PEPD: variants seen among roughly 807,000 people sequenced by gnomAD.
The protein encoded by PEPD is xaa-Pro dipeptidase.
In PEPD, 53 loss-of-function variants were observed where a neutral mutation model predicts 60.7. The ratio of observed to expected loss-of-function variants is 0.87; its 90% CI spans 0.70 to 1.10. PEPD has a LOEUF of 1.10. Among genes scored for constraint, PEPD ranks in the 50% least tolerant of loss-of-function variants. PEPD has a pLI of 0.00. For synonymous variants in PEPD, 267 were observed against 284.1 expected (o/e 0.94, Z 0.60); for missense variants, 711 against 711.9 (o/e 1.00, Z 0.01).
chr19:33,413,849 T>C (rs1450158083), intron 9 of PEPD, among the ~76,000 whole-genome samples: 1 of 151,842 alleles, frequency 6.6e-6, no homozygotes, highest in African/African-American at 2.4e-5. Context: ...CAGTGTGGAG[T>C]GACAGAGAAG....
chr19:33,412,866 C>A (rs1411305638), intron 10 of PEPD, among the ~76,000 whole-genome samples: 1 of 152,184 alleles, frequency 6.6e-6, no homozygotes, highest in Non-Finnish European at 1.5e-5. Flanking sequence ...GAGGGGGCCA[C>A]GCCCACAGCC....
chr19:33,433,536 T>C (rs577012173), intron 9 of PEPD, among the ~76,000 whole-genome samples: 3 of 152,258 alleles, frequency 2.0e-5, no homozygotes, highest in Non-Finnish European at 4.4e-5. Context: ...TATATTACAA[T>C]GGGCTCCTGG....
At chr19:33,494,775 C>G (rs955657896) in intron 4 of PEPD, among the ~76,000 whole-genome samples, 2 of 152,168 alleles carry the variant, frequency 1.3e-5, no homozygotes, top group African/African-American at 4.8e-5. Flanking sequence ...GAGAACTTGC[C>G]TGAGTCTGGT....
chr19:33,387,527 T>C, intron 14 of PEPD, 46 bp from the exon 15 acceptor site: 1 of 1,610,524 alleles, frequency 6.2e-7, no homozygotes, highest in East Asian at 2.2e-5. Context: ...CAGCCTCATG[T>C]GCCAGGCTAG....
At chr19:33,481,779 A>G (rs1342261603) in intron 6 of PEPD, among the ~76,000 whole-genome samples, 2 of 152,136 alleles carry the variant, frequency 1.3e-5, no homozygotes, top group East Asian at 3.9e-4. Context: ...CTGTAATCCC[A>G]GCACTCTGGG....
intron 9 of PEPD, among the ~76,000 whole-genome samples, chr19:33,460,328 T>C (rs956498965): frequency 1.3e-5 from 2 of 152,114 alleles, no homozygotes; most frequent in African/African-American, 4.8e-5. Context: ...CTGCATCACA[T>C]AGTGATCCTG....
At chr19:33,389,542 G>A (rs1489619854) in intron 13 of PEPD, among the ~76,000 whole-genome samples, 1 of 152,102 alleles carries the variant, frequency 6.6e-6, no homozygotes, top group South Asian at 2.1e-4. Context: ...TGCTATTCCT[G>A]AAGTGTCCGT....
chr19:33,503,511 T>C (rs3786920), intron 3 of PEPD, among the ~76,000 whole-genome samples: 61,734 of 151,944 alleles, frequency 0.41, 12,999 homozygotes, highest in African/African-American at 0.48. Flanking sequence ...CGCCTGGACT[T>C]CGGAGGCCCC....
At chr19:33,451,898 C>CA (rs1192913244) in intron 9 of PEPD, among the ~76,000 whole-genome samples, 1 of 152,060 alleles carries the variant, frequency 6.6e-6, no homozygotes, top group African/African-American at 2.4e-5. Context: ...ATGAGTAAGA[C>CA]AAAATCTATC....
At chr19:33,422,059 G>A (rs1206250840) in intron 9 of PEPD, among the ~76,000 whole-genome samples, 1 of 151,966 alleles carries the variant, frequency 6.6e-6, no homozygotes, top group African/African-American at 2.4e-5. Context: ...GCTTCCCATC[G>A]GCAGCCCACC....
Position 33,435,357 on chromosome 19 carries a change from T to C in PEPD, c.672-21714A>G, listed in dbSNP as rs7251222. Among the ~76,000 whole-genome samples the C allele has an allele frequency of 3.9e-3, 596 of 152,208 alleles. 2 individuals carry two copies. Among genetic ancestry groups the C allele is most frequent in the African/African-American group, 0.014 (578 of 41,516 alleles). On this transcript the variant is annotated intron_variant, in intron 9 of 14. Transcript: ENST00000244137. ...AGCAGTTGATGAATAATAAATGTAATTAACATGATGGAAAACAGAAGCTGG... is the reference window on the plus strand; with the variant it reads ...AGCAGTTGATGAATAATAAATGTAACTAACATGATGGAAAACAGAAGCTGG...
chr19:33,496,113 C>T (rs763671129), intron 4 of PEPD, among the ~76,000 whole-genome samples: 8 of 152,082 alleles, frequency 5.3e-5, no homozygotes, highest in Non-Finnish European at 8.8e-5. Context: ...TGTGTTGTTA[C>T]GTTGATGTGA....
chr19:33,480,324 T>C (rs1250277707), intron 6 of PEPD, among the ~76,000 whole-genome samples: 9 of 152,210 alleles, frequency 5.9e-5, no homozygotes, highest in Admixed American at 5.9e-4. Flanking sequence ...TTTATAACGA[T>C]AATTAGGTCA....
At chr19:33,393,251 C>T (rs1391716309) in intron 12 of PEPD, among the ~76,000 whole-genome samples, 2 of 112,784 alleles carry the variant, frequency 1.8e-5, no homozygotes, top group Non-Finnish European at 3.7e-5. Context: ...GGTCTGGGGT[C>T]TGGCGTGGGG....
chr19:33,519,447 C>T lies in PEPD; in HGVS notation c.17+2297G>A, dbSNP rs533027807. Among the ~76,000 whole-genome samples, 29 of 152,366 alleles carry T rather than the reference C, an allele frequency of 1.9e-4. No individual in the cohort carries two copies. The South Asian group carries it at 2.3e-3, about 12-fold the overall frequency. ...ACAACCAAACCCAACTCCCAGTGAG[C>T]CCACGGCAATGGCCGTGACTTGCTG... On this transcript the variant is annotated intron_variant, in intron 1 of 14. Transcript: ENST00000244137.
At chr19:33,420,037 G>A (rs1968979130) in intron 9 of PEPD, among the ~76,000 whole-genome samples, 1 of 152,320 alleles carries the variant, frequency 6.6e-6, no homozygotes, top group South Asian at 2.1e-4. Context: ...CATTTTAATT[G>A]GATAATTGGG....
chr19:33,398,658 A>T (rs927963850), intron 12 of PEPD, among the ~76,000 whole-genome samples: 1 of 152,260 alleles, frequency 6.6e-6, no homozygotes, highest in Non-Finnish European at 1.5e-5. Context: ...CTGAGCAAGA[A>T]ATTCTCATCC....
In PEPD at chr19:33,397,719, ACCTG is replaced by A. The variant is rs1448345156; in HGVS notation, c.967+3998_967+4001del. On this transcript the variant is annotated intron_variant, in intron 12 of 14. Transcript: ENST00000244137. ...TGGGTGGGAGCGGGGCTGGGGGAGGACCTGCCTCCCATGGTCTGAGATGAGCCTA... is the reference window on the plus strand; with the variant it reads ...TGGGTGGGAGCGGGGCTGGGGGAGGACCTCCCATGGTCTGAGATGAGCCTA... 2.6e-5 allele frequency among the ~76,000 whole-genome samples: 4 copies of A among 151,784 alleles called. No individual in the cohort carries two copies. In the East Asian group the frequency reaches 7.8e-4, roughly 30 times the overall value.
intron 11 of PEPD, among the ~76,000 whole-genome samples, chr19:33,404,034 C>CG (rs1555753580): frequency 1.3e-5 from 2 of 152,200 alleles, no homozygotes; most frequent in Non-Finnish European, 2.9e-5. Context: ...GCTCAGATCA[C>CG]GGGTCCAGGA....
Sources: gnomAD v4.1 joint callset for allele counts (sites outside exome capture counted in the v4.1 genomes callset) on GRCh38, gnomAD v4.1.1 for gene constraint, MANE v1.5 for transcripts, NCBI Gene and HGNC (gene_info 2026-07-23, HGNC 2026-07-21) for gene names.